Variants in CHD2 observed in about 807,000 individuals in gnomAD.
CHD2 encodes the protein chromodomain helicase DNA binding protein 2.
A neutral mutation model predicts 243.9 loss-of-function variants in CHD2; 28 were observed. That is an observed-to-expected ratio of 0.11 (90% CI 0.09 to 0.16). The LOEUF (loss-of-function observed/expected upper bound fraction) is 0.16. Ranked by LOEUF, CHD2 falls within the 10% of genes least tolerant of loss-of-function variation. The pLI, the probability that CHD2 is intolerant of heterozygous loss-of-function variation, is 1.00. For synonymous variants in CHD2, 775 were observed against 779.0 expected (o/e 0.99, Z 0.09); for missense variants, 1,386 against 2,209.8 (o/e 0.63, Z 7.47).
intron 2 of CHD2, among the ~76,000 whole-genome samples, chr15:92,912,672 C>T (rs1454200514): frequency 6.6e-6 from 1 of 152,078 alleles, no homozygotes; most frequent in Non-Finnish European, 1.5e-5. Flanking sequence ...TAGCTGGGAC[C>T]ACAGGTGCCC....
intron 2 of CHD2, chr15:92,905,154 A>C: frequency 1.4e-6 from 1 of 727,300 alleles, no homozygotes; most frequent in Non-Finnish European, 2.2e-6. Flanking sequence ...TCAGAAAACT[A>C]CTCTTTTAAG....
chr15:92,959,516 A>T (rs2053658226), intron 16 of CHD2, among the ~76,000 whole-genome samples: 1 of 151,686 alleles, frequency 6.6e-6, no homozygotes, highest in Non-Finnish European at 1.5e-5. Flanking sequence ...TTTGAGATGG[A>T]GCCTTGCTCT....
At chr15:93,009,983 G>A (rs1469747925) in intron 35 of CHD2, among the ~76,000 whole-genome samples, 2 of 152,146 alleles carry the variant, frequency 1.3e-5, no homozygotes, top group African/African-American at 4.8e-5. Context: ...CCCATCACCC[G>A]AGCAGTGCAC....
At chr15:93,001,046 G>T (rs1323937206) in intron 32 of CHD2, among the ~76,000 whole-genome samples, 20 of 151,892 alleles carry the variant, frequency 1.3e-4, no homozygotes, top group Admixed American at 1.2e-3. Flanking sequence ...TTTTTGTATT[G>T]TAAGTAGAGA....
At chr15:92,904,361 C>T (rs572073154) in intron 2 of CHD2, 3 of 820,814 alleles carry the variant, frequency 3.7e-6, no homozygotes, top group African/African-American at 1.9e-5. Flanking sequence ...AACGGCGGCG[C>T]CTTCGGCAGC....
At chr15:92,960,507 A>T (rs1410150047) in intron 16 of CHD2, among the ~76,000 whole-genome samples, 1 of 151,896 alleles carries the variant, frequency 6.6e-6, no homozygotes, top group Non-Finnish European at 1.5e-5. Context: ...TCAAATGCTT[A>T]TTTTCTGTGT....
At chr15:92,929,954 A>G (rs1377602828) in intron 5 of CHD2, among the ~76,000 whole-genome samples, 1 of 152,182 alleles carries the variant, frequency 6.6e-6, no homozygotes, top group Admixed American at 6.5e-5. Context: ...ACCCAACAGG[A>G]TTATTAGAAA....
intron 28 of CHD2, among the ~76,000 whole-genome samples, chr15:92,996,381 C>T (rs779220166): frequency 6.6e-6 from 1 of 151,866 alleles, no homozygotes; most frequent in African/African-American, 2.4e-5. Context: ...AGTATGGTCT[C>T]GATCTCCTGA....
chr15:93,007,634 A>G (rs1381269434), intron 34 of CHD2, among the ~76,000 whole-genome samples: 1 of 152,058 alleles, frequency 6.6e-6, no homozygotes, highest in African/African-American at 2.4e-5. Context: ...TGTGCCAGAT[A>G]CTCAGTGGCT....
intron 37 of CHD2, among the ~76,000 whole-genome samples, chr15:93,017,184 G>C (rs986520084): frequency 2.0e-5 from 3 of 152,198 alleles, no homozygotes; most frequent in African/African-American, 7.2e-5. Context: ...CAGATCCTTA[G>C]CCTGTTGCAG....
At chr15:92,938,362 A>G (rs1040946373) in intron 6 of CHD2, among the ~76,000 whole-genome samples, 1 of 152,200 alleles carries the variant, frequency 6.6e-6, no homozygotes, top group African/African-American at 2.4e-5. Context: ...TGATTATTTC[A>G]TTTTGAATTA....
rs3064790 is a variant in CHD2 at position 92,961,876 on chromosome 15, C to CTTTTTTTTTTTT, written c.2000+5239_2000+5250dup. 8.1e-4 allele frequency among the ~76,000 whole-genome samples: 64 copies of CTTTTTTTTTTTT among 78,600 alleles called. 3 individuals carry two copies. The highest frequency in any genetic ancestry group is 1.7e-3 in the East Asian group (3 of 1,758). The allele number at this position is 78,600 out of a possible 152,430, so 51.6% of individuals were successfully genotyped here. A position where few individuals can be genotyped will look rare whatever the true frequency, so the allele number is the denominator to read the frequency against. ...GGTTTCTTCCTCTGTTTTTTCTTCTCTTTTTTTTTTTTTTTTTTTTTTTGA... is the reference window on the plus strand; with the variant it reads ...GGTTTCTTCCTCTGTTTTTTCTTCTCTTTTTTTTTTTTTTTTTTTTTTTTTTTTTTTTTTTGA... On this transcript the variant is annotated intron_variant, in intron 16 of 38. Transcript: ENST00000394196.
At chr15:92,923,570 T>G (rs966903302) in intron 2 of CHD2, among the ~76,000 whole-genome samples, 3 of 145,630 alleles carry the variant, frequency 2.1e-5, no homozygotes, top group African/African-American at 8.2e-5. Context: ...TGTTTTTTTT[T>G]TTTTTTTTTT....
intron 26 of CHD2, among the ~76,000 whole-genome samples, chr15:92,987,867 C>G (rs2054064868): frequency 6.7e-6 from 1 of 150,370 alleles, no homozygotes; most frequent in Non-Finnish European, 1.5e-5. Flanking sequence ...TTTTTTTTCA[C>G]TTATTTTCTT....
rs781140829 is a variant in CHD2, at chr15:92,924,398, G to A, written c.140G>A (p.Ser47Asn). 1 of 1,614,178 alleles carries A rather than the reference G, an allele frequency of 6.2e-7. No homozygotes were observed. Among genetic ancestry groups the A allele is most frequent in the Non-Finnish European group, 8.5e-7 (1 of 1,180,030 alleles). The part of the protein sequence containing the change: ...SESEQGSDPG[S>N]GHGSESNSSS... ...AGTGAGCAGGGAAGTGATCCAGGAA[G>A]TGGACATGGCAGCGAGTCGAACAGC... Residue 47 changes from serine (S) to asparagine (N), a missense_variant, in exon 3 of 39, where the codon AGT (serine) becomes AAT (asparagine). Transcript: ENST00000394196.
At chr15:92,900,852 T>C (rs905149290) in intron 1 of CHD2, 28 bp downstream of exon 1, 1 of 405,662 alleles carries the variant, frequency 2.5e-6, no homozygotes, top group Admixed American at 4.4e-5. Flanking sequence ...GGTGATAATT[T>C]TAAAGATTTA....
At chr15:92,995,936 G>A (rs1475016976) in intron 28 of CHD2, among the ~76,000 whole-genome samples, 1 of 152,066 alleles carries the variant, frequency 6.6e-6, no homozygotes. Flanking sequence ...GGTGAGAAAC[G>A]GTATTTCATT....
At chr15:92,911,801 C>T (rs12904071) in intron 2 of CHD2, among the ~76,000 whole-genome samples, 3 of 151,834 alleles carry the variant, frequency 2.0e-5, no homozygotes, top group Non-Finnish European at 2.9e-5. Context: ...TATGAGACTG[C>T]GGAAAATAGT....
At chr15:93,001,922 A>G (rs1478417716) in intron 32 of CHD2, among the ~76,000 whole-genome samples, 1 of 152,222 alleles carries the variant, frequency 6.6e-6, no homozygotes, top group Non-Finnish European at 1.5e-5. Context: ...AAATGAGAAT[A>G]ATAAACTTAC....
Sources: allele counts gnomAD v4.1 joint callset (sites outside exome capture counted in the v4.1 genomes callset), GRCh38; gene constraint gnomAD v4.1.1; transcripts MANE v1.5; gene names NCBI Gene and HGNC (gene_info 2026-07-23, HGNC 2026-07-21).